CNTNAP5: variants seen among roughly 807,000 people sequenced by gnomAD.
The protein encoded by CNTNAP5 is contactin associated protein family member 5, also known as contactin-associated protein-like 5.
A neutral mutation model predicts 150.2 loss-of-function variants in CNTNAP5; 72 were observed. That is an observed-to-expected ratio of 0.48 (90% CI 0.40 to 0.58). The LOEUF is 0.58. Ranked by LOEUF, CNTNAP5 falls within the 20% of genes least tolerant of loss-of-function variation. CNTNAP5 has a pLI of 0.00. For synonymous variants in CNTNAP5, 672 were observed against 619.8 expected (o/e 1.08, Z -1.25); for missense variants, 1,636 against 1,626.2 (o/e 1.01, Z -0.10).
intron 13 of CNTNAP5, among the ~76,000 whole-genome samples, chr2:124,700,436 CTTT>C (rs35175687): frequency 6.6e-6 from 1 of 151,956 alleles, no homozygotes; most frequent in Non-Finnish European, 1.5e-5. Flanking sequence ...AATCACCAAA[CTTT>C]TTTCCATAGA....
intron 8 of CNTNAP5, among the ~76,000 whole-genome samples, chr2:124,506,548 A>G (rs772301651): frequency 3.9e-5 from 6 of 152,174 alleles, no homozygotes; most frequent in Non-Finnish European, 5.9e-5. Flanking sequence ...AGTGAACAAA[A>G]TGGCCCACTG....
At chr2:124,454,850 G>A (rs1693078994) in intron 6 of CNTNAP5, among the ~76,000 whole-genome samples, 1 of 151,986 alleles carries the variant, frequency 6.6e-6, no homozygotes. Flanking sequence ...CTGAATGACA[G>A]TAGTCATTCA....
At chr2:124,474,637 C>A in intron 6 of CNTNAP5, 102 bp from the exon 7 acceptor site, 1 of 940,304 alleles carries the variant, frequency 1.1e-6, no homozygotes, top group Non-Finnish European at 1.5e-6. Flanking sequence ...CCATTTGGCT[C>A]AAGCATACAA....
At chr2:124,571,527 C>CTTTTTTTTTTTTTTTTTTTTTTTTTT (rs1214169811) in intron 11 of CNTNAP5, among the ~76,000 whole-genome samples, 7 of 46,850 alleles carry the variant, frequency 1.5e-4, no homozygotes, top group South Asian at 8.4e-4. Flanking sequence ...TTTCTTTTTT[C>CTTTTTTTTTTTTTTTTTTTTTTTTTT]TTTTTTTTTT....
chr2:124,265,311 CCTT>C (rs1687576760), intron 3 of CNTNAP5, among the ~76,000 whole-genome samples: 1 of 152,146 alleles, frequency 6.6e-6, no homozygotes, highest in African/African-American at 2.4e-5. Flanking sequence ...GTCAATTTCA[CCTT>C]CTGCCGCCAT....
chr2:124,151,378 G>T (rs72980513), intron 1 of CNTNAP5, among the ~76,000 whole-genome samples: 5 of 152,050 alleles, frequency 3.3e-5, no homozygotes, highest in South Asian at 2.1e-4. Flanking sequence ...CCTTCTCTAC[G>T]CTTCCTCATG....
chr2:124,408,035 G>A lies in CNTNAP5; in HGVS notation c.382-9408G>A, dbSNP rs1032261946. The stretch of plus-strand genomic sequence containing the variant: ...AGGTCAGTGGGTGCGCGCACCGTAC[G>A]CCAGCCGAAGCAGGGCGAGGCATTG... On this transcript the variant is annotated intron_variant, in intron 3 of 23. Coordinates refer to ENST00000682447, the MANE Select transcript of CNTNAP5 (RefSeq NM_001367498.1). Among the ~76,000 whole-genome samples, 12 of 152,306 alleles carry A rather than the reference G, an allele frequency of 7.9e-5. No homozygotes were observed. The East Asian group carries it at 1.6e-3, about 20-fold the overall frequency.
At chr2:124,180,000 AT>A (rs780189246) in intron 1 of CNTNAP5, among the ~76,000 whole-genome samples, 1 of 152,128 alleles carries the variant, frequency 6.6e-6, no homozygotes, top group Non-Finnish European at 1.5e-5. Context: ...TACCTAGGTA[AT>A]TTGGGTAATT....
At chr2:124,638,961 T>C (rs1359418894) in intron 12 of CNTNAP5, among the ~76,000 whole-genome samples, 1 of 152,232 alleles carries the variant, frequency 6.6e-6, no homozygotes, top group African/African-American at 2.4e-5. Context: ...TATTCCGCTA[T>C]TTGCAATATA....
In CNTNAP5 at chr2:124,713,371, CT is replaced by C. The variant is rs200356590; in HGVS notation, c.2078-33855del. Among the ~76,000 whole-genome samples, 13 of 116,952 alleles carry C rather than the reference CT, an allele frequency of 1.1e-4. No homozygotes were observed. The East Asian group carries it at 3.2e-3, about 29-fold the overall frequency. The allele number at this position is 116,952 out of a possible 152,430, so 76.7% of individuals were successfully genotyped here. ...TCTTTCTTTCTTTCTTTCTTTCTTT[CT>C]TTCTTTCTTCTCCCTCTTTTTTTGA... is the stretch of plus-strand genomic sequence containing the variant. On this transcript the variant is annotated intron_variant, in intron 13 of 23. Coordinates refer to ENST00000682447, the MANE Select transcript of CNTNAP5 (RefSeq NM_001367498.1).
At chr2:124,340,636 C>T (rs769340361) in intron 3 of CNTNAP5, among the ~76,000 whole-genome samples, 12 of 151,678 alleles carry the variant, frequency 7.9e-5, no homozygotes, top group Non-Finnish European at 1.3e-4. Context: ...CTAAGAAGAA[C>T]AGATAAAGTC....
chr2:124,210,706 C>A (rs1262870284), intron 1 of CNTNAP5, among the ~76,000 whole-genome samples: 1 of 152,082 alleles, frequency 6.6e-6, no homozygotes, highest in Non-Finnish European at 1.5e-5. Flanking sequence ...ACTCTCTTGC[C>A]CAAAACAGTA....
chr2:124,196,253 C>T (rs985696186), intron 1 of CNTNAP5, among the ~76,000 whole-genome samples: 1 of 152,094 alleles, frequency 6.6e-6, no homozygotes, highest in Non-Finnish European at 1.5e-5. Context: ...AAGCATACTA[C>T]AGTGGTTAAA....
At chr2:124,757,337 G>T (rs1300528698) in intron 14 of CNTNAP5, among the ~76,000 whole-genome samples, 1 of 152,184 alleles carries the variant, frequency 6.6e-6, no homozygotes, top group Admixed American at 6.5e-5. Context: ...GAAAGCCTGT[G>T]TGCACAGAAT....
intron 10 of CNTNAP5, among the ~76,000 whole-genome samples, 158 bp from the exon 11 acceptor site, chr2:124,563,059 A>G (rs1009969831): frequency 6.6e-6 from 1 of 152,240 alleles, no homozygotes. Flanking sequence ...TGTAATATTC[A>G]TACTATTTTG....
intron 3 of CNTNAP5, among the ~76,000 whole-genome samples, chr2:124,383,050 C>T (rs542240083): frequency 1.3e-5 from 2 of 152,292 alleles, no homozygotes; most frequent in South Asian, 4.1e-4. Context: ...CTACCTTCTG[C>T]ATATACACCT....
chr2:124,571,441 G>T (rs1404505109), intron 11 of CNTNAP5, among the ~76,000 whole-genome samples: 1 of 151,356 alleles, frequency 6.6e-6, no homozygotes, highest in African/African-American at 2.4e-5. Flanking sequence ...TAACCTAGGA[G>T]TCAGAAGAGG....
At chr2:124,351,302 G>C (rs1161453879) in intron 3 of CNTNAP5, among the ~76,000 whole-genome samples, 3 of 152,284 alleles carry the variant, frequency 2.0e-5, no homozygotes, top group South Asian at 4.2e-4. Context: ...GCCAATGCCA[G>C]AGTTAAAGTA....
chr2:124,907,248 A>C (rs982500214), intron 22 of CNTNAP5, among the ~76,000 whole-genome samples: 1 of 152,116 alleles, frequency 6.6e-6, no homozygotes, highest in Non-Finnish European at 1.5e-5. Flanking sequence ...GTAAGTTAAA[A>C]TTCAAATTTC....
Sources: gnomAD v4.1 joint callset for allele counts (sites outside exome capture counted in the v4.1 genomes callset) on GRCh38, gnomAD v4.1.1 for gene constraint, MANE v1.5 for transcripts, NCBI Gene and HGNC (gene_info 2026-07-23, HGNC 2026-07-21) for gene names.